FRMD4B: variants seen among roughly 807,000 people sequenced by gnomAD.
The protein encoded by FRMD4B is FERM domain-containing protein 4B.
In FRMD4B, 74 loss-of-function variants were observed where a neutral mutation model predicts 141.5. The ratio of observed to expected loss-of-function variants is 0.52; its 90% CI spans 0.43 to 0.63. The LOEUF is 0.63. FRMD4B is among the 30% of genes least tolerant of loss of function. The probability of loss-of-function intolerance (pLI) is 0.00; values close to 1 mark genes in which losing one functional copy is unlikely to be tolerated. For synonymous variants in FRMD4B, 506 were observed against 467.9 expected (o/e 1.08, Z -1.05); for missense variants, 1,366 against 1,253.4 (o/e 1.09, Z -1.36).
intron 1 of FRMD4B, among the ~76,000 whole-genome samples, chr3:69,362,362 G>A (rs944746367): frequency 2.6e-5 from 4 of 152,150 alleles, no homozygotes; most frequent in Non-Finnish European, 5.9e-5. Context: ...CTTGACTTGT[G>A]TGCTCTTCTG....
At chr3:69,421,144 A>C in intron 2 of FRMD4B, among the ~76,000 whole-genome samples, 1 of 152,346 alleles carries the variant, frequency 6.6e-6, no homozygotes, top group South Asian at 2.1e-4. Flanking sequence ...AGATACACCC[A>C]GGTGCTACTT....
chr3:69,292,420 C>T (rs1700902887), intron 4 of FRMD4B, among the ~76,000 whole-genome samples: 1 of 152,190 alleles, frequency 6.6e-6, no homozygotes, highest in African/African-American at 2.4e-5. Flanking sequence ...TAGCTTGGCA[C>T]CAAATCAATT....
intron 1 of FRMD4B, among the ~76,000 whole-genome samples, chr3:69,452,387 T>C (rs1705516740): frequency 6.6e-6 from 1 of 152,220 alleles, no homozygotes; most frequent in Non-Finnish European, 1.5e-5. Flanking sequence ...AAGCGAAATC[T>C]TTTCTTGCCA....
chr3:69,172,094 C>CTT, intron 22 of FRMD4B, 113 bp from the exon 23 acceptor site: 1 of 920,616 alleles, frequency 1.1e-6, no homozygotes, highest in Non-Finnish European at 1.7e-6. Flanking sequence ...AAAAATTTCC[C>CTT]AAAATGTAGA....
intron 5 of FRMD4B, among the ~76,000 whole-genome samples, chr3:69,278,329 C>T (rs1054956381): frequency 3.3e-5 from 5 of 152,210 alleles, no homozygotes; most frequent in African/African-American, 9.6e-5. Flanking sequence ...AGGCAGGTCT[C>T]GCTCTGTCAT....
At chr3:69,400,648 G>A (rs1200916801) in intron 2 of FRMD4B, among the ~76,000 whole-genome samples, 1 of 152,194 alleles carries the variant, frequency 6.6e-6, no homozygotes, top group African/African-American at 2.4e-5. Context: ...TGAGAAAGAA[G>A]GTGGTGGGCA....
chr3:69,246,385 G>A (rs1279842375), intron 7 of FRMD4B, among the ~76,000 whole-genome samples: 1 of 152,174 alleles, frequency 6.6e-6, no homozygotes, highest in Non-Finnish European at 1.5e-5. Context: ...GAGCCAGGAG[G>A]TGGAGGTTAT....
intron 7 of FRMD4B, 37 bp from the exon 8 acceptor site, chr3:69,224,727 T>C: frequency 3.0e-6 from 3 of 1,009,602 alleles, no homozygotes; most frequent in Non-Finnish European, 4.6e-6. Context: ...TCAGGTACTG[T>C]TATCCAAAAA....
At chr3:69,500,607 A>T (rs2107061017) in intron 1 of FRMD4B, among the ~76,000 whole-genome samples, 1 of 152,254 alleles carries the variant, frequency 6.6e-6, no homozygotes, top group East Asian at 1.9e-4. Context: ...GCAAGCAGGT[A>T]CTACCCCTGG....
intron 1 of FRMD4B, among the ~76,000 whole-genome samples, chr3:69,354,836 T>C (rs905340406): frequency 6.6e-6 from 1 of 152,158 alleles, no homozygotes; most frequent in African/African-American, 2.4e-5. Flanking sequence ...ACAACTTCAG[T>C]CAATGCTAAG....
rs1029528132 is a variant in FRMD4B at position 69,181,289 on chromosome 3, C to G, written c.2461G>C (p.Gly821Arg). 3.7e-6 allele frequency: 6 copies of G among 1,613,888 alleles called. No individual in the cohort carries two copies. The highest frequency in any genetic ancestry group is 5.1e-6 in the Non-Finnish European group (6 of 1,179,832). The change falls in exon 21 of 23, where the codon GGT becomes CGT. Residue 821 changes from glycine (G) to arginine (R), a missense_variant. Gly to Arg is a moderately radical substitution (Grantham distance 125). Coordinates refer to ENST00000398540, the MANE Select transcript of FRMD4B (RefSeq NM_015123.3). ...GTGTCATTCTCATAGACATAACCACCACTGTAATAAAAGTCACACTCTGCA... is the reference window on the plus strand; with the variant it reads ...GTGTCATTCTCATAGACATAACCACGACTGTAATAAAAGTCACACTCTGCA... ...PYAECDFYYS[G>R]GYVYENDTEG...
chr3:69,463,661 C>T (rs1705736862), intron 1 of FRMD4B, among the ~76,000 whole-genome samples: 1 of 152,154 alleles, frequency 6.6e-6, no homozygotes, highest in South Asian at 2.1e-4. Context: ...GGGATTTGAG[C>T]CAGACTGCAT....
chr3:69,406,540 C>A (rs1704652961), intron 2 of FRMD4B, among the ~76,000 whole-genome samples: 1 of 151,586 alleles, frequency 6.6e-6, no homozygotes, highest in Non-Finnish European at 1.5e-5. Context: ...TCTCCAACTT[C>A]TGGGGAAACA....
intron 1 of FRMD4B, among the ~76,000 whole-genome samples, chr3:69,489,124 T>C (rs1445017601): frequency 6.6e-6 from 1 of 151,532 alleles, no homozygotes; most frequent in Non-Finnish European, 1.5e-5. Flanking sequence ...GGAGAAATAT[T>C]TGCAAATCAT....
chr3:69,398,277 T>C (rs72937883), intron 2 of FRMD4B, among the ~76,000 whole-genome samples: 5,465 of 152,274 alleles, frequency 0.036, 334 homozygotes, highest in African/African-American at 0.12. Context: ...TATTTTTTAA[T>C]TGACACATAA....
chr3:69,381,563 T>C (rs1575778888), intron 1 of FRMD4B, among the ~76,000 whole-genome samples: 2 of 152,196 alleles, frequency 1.3e-5, no homozygotes, highest in South Asian at 4.1e-4. Flanking sequence ...GTAAAATATG[T>C]AACTCCCTGG....
At chr3:69,344,948 G>A (rs1366371119) in intron 1 of FRMD4B, among the ~76,000 whole-genome samples, 1 of 152,132 alleles carries the variant, frequency 6.6e-6, no homozygotes, top group Non-Finnish European at 1.5e-5. Flanking sequence ...TTCCAACTGA[G>A]ATACTGGGTT....
chr3:69,433,470 G>C (rs992091237), intron 1 of FRMD4B, among the ~76,000 whole-genome samples: 3 of 152,128 alleles, frequency 2.0e-5, no homozygotes, highest in African/African-American at 7.2e-5. Context: ...CCCTTGTTCT[G>C]CCATGTGGTA....
At chr3:69,423,087 T>C (rs1017240972) in intron 2 of FRMD4B, among the ~76,000 whole-genome samples, 2 of 152,212 alleles carry the variant, frequency 1.3e-5, no homozygotes, top group African/African-American at 2.4e-5. Context: ...CCTCATTATT[T>C]ACAAAATTCA....
Sources: gnomAD v4.1 joint callset for allele counts (sites outside exome capture counted in the v4.1 genomes callset) on GRCh38, gnomAD v4.1.1 for gene constraint, MANE v1.5 for transcripts, NCBI Gene and HGNC (gene_info 2026-07-23, HGNC 2026-07-21) for gene names.